GRID2: variants seen among roughly 807,000 people sequenced by gnomAD.
GRID2 encodes glutamate ionotropic receptor delta type subunit 2.
A neutral mutation model predicts 114.8 loss-of-function variants in GRID2; 33 were observed. The ratio of observed to expected loss-of-function variants is 0.29; its 90% CI spans 0.22 to 0.38. GRID2 has a LOEUF of 0.38. Ranked by LOEUF, GRID2 falls within the 10% of genes least tolerant of loss-of-function variation. The probability of loss-of-function intolerance (pLI) is 1.00; values close to 1 mark genes in which losing one functional copy is unlikely to be tolerated. For synonymous variants in GRID2, 505 were observed against 449.9 expected, an observed-to-expected ratio of 1.12 and a Z score of -1.55; for missense variants, 1,184 against 1,257.7, an observed-to-expected ratio of 0.94 and a Z score of 0.89.
chr4:92,748,039 T>C (rs1737240812), intron 2 of GRID2, among the ~76,000 whole-genome samples: 1 of 152,310 alleles, frequency 6.6e-6, no homozygotes, highest in South Asian at 2.1e-4. Flanking sequence ...ACTAAGACAA[T>C]GTTATGTTTT....
chr4:93,272,866 G>A (rs1751615665), intron 8 of GRID2, among the ~76,000 whole-genome samples: 1 of 152,054 alleles, frequency 6.6e-6, no homozygotes, highest in Non-Finnish European at 1.5e-5. Context: ...CATTTCCTTA[G>A]GTCACATTGG....
chr4:92,763,553 A>G (rs1578159255), intron 2 of GRID2, among the ~76,000 whole-genome samples: 1 of 152,256 alleles, frequency 6.6e-6, no homozygotes, highest in African/African-American at 2.4e-5. Context: ...GATGATTTAA[A>G]GTGAACAGCC....
intron 4 of GRID2, among the ~76,000 whole-genome samples, chr4:93,161,947 A>G (rs1737727048): frequency 6.6e-6 from 1 of 151,802 alleles, no homozygotes; most frequent in Admixed American, 6.6e-5. Context: ...AGACATTCCA[A>G]TTTTTATTTT....
chr4:93,686,116 C>T (rs1726055118), intron 14 of GRID2, among the ~76,000 whole-genome samples: 1 of 151,988 alleles, frequency 6.6e-6, no homozygotes, highest in Non-Finnish European at 1.5e-5. Flanking sequence ...CTCTCTGTCT[C>T]TCCATTGCCA....
chr4:93,310,330 G>A (rs973423935), intron 8 of GRID2, among the ~76,000 whole-genome samples: 1 of 151,940 alleles, frequency 6.6e-6, no homozygotes, highest in African/African-American at 2.4e-5. Context: ...GGCCAGCTTG[G>A]CCAACATGGT....
intron 10 of GRID2, among the ~76,000 whole-genome samples, chr4:93,451,242 A>G (rs1026025700): frequency 2.6e-5 from 4 of 152,072 alleles, no homozygotes; most frequent in Non-Finnish European, 4.4e-5. Flanking sequence ...ATATAAACAT[A>G]TGTAAGATTG....
intron 1 of GRID2, among the ~76,000 whole-genome samples, chr4:92,428,198 C>G (rs981633645): frequency 6.6e-6 from 1 of 151,968 alleles, no homozygotes; most frequent in Non-Finnish European, 1.5e-5. Flanking sequence ...GGAGGCGGAG[C>G]TTGCAGTGAG....
chr4:93,599,500 C>T (rs1254515630), intron 13 of GRID2, among the ~76,000 whole-genome samples: 1 of 152,114 alleles, frequency 6.6e-6, no homozygotes, highest in African/African-American at 2.4e-5. Flanking sequence ...TAATTTTCTC[C>T]TAAGTAAATT....
chr4:92,642,734 G>A (rs1023904386), intron 2 of GRID2, among the ~76,000 whole-genome samples: 7 of 151,612 alleles, frequency 4.6e-5, no homozygotes, highest in African/African-American at 1.7e-4. Context: ...CTTTGTCAAG[G>A]CCAATGTTGA....
chr4:93,672,265 C>T (rs1326941013), intron 14 of GRID2, among the ~76,000 whole-genome samples: 1 of 152,230 alleles, frequency 6.6e-6, no homozygotes, highest in Non-Finnish European at 1.5e-5. Context: ...CCATTACATT[C>T]TCCAAGGGGG....
chr4:92,722,241 T>C lies in GRID2; in HGVS notation c.244+131955T>C, dbSNP rs1020877625. ...ATGCCACTGAAAGCATGGATACTGA[T>C]GGCCAGCCATCATGGAGTGCATGCT... On this transcript the variant is annotated intron_variant, in intron 2 of 15. Coordinates refer to ENST00000282020, the MANE Select transcript of GRID2 (RefSeq NM_001510.4). Among the ~76,000 whole-genome samples the C allele has an allele frequency of 7.2e-5, 11 of 152,138 alleles. No homozygotes were observed. In the East Asian group the frequency reaches 1.2e-3, roughly 16 times the overall value.
intron 14 of GRID2, among the ~76,000 whole-genome samples, chr4:93,661,237 A>C (rs1176200027): frequency 6.6e-6 from 1 of 152,026 alleles, no homozygotes; most frequent in Non-Finnish European, 1.5e-5. Context: ...GCAGAAATGC[A>C]CAGAGTGGTG....
chr4:92,435,808 G>C (rs545277042), intron 1 of GRID2, among the ~76,000 whole-genome samples: 2 of 152,268 alleles, frequency 1.3e-5, no homozygotes, highest in Admixed American at 6.5e-5. Flanking sequence ...GAAGTGGTTT[G>C]TTCTCCATCA....
At chr4:93,181,323 T>A (rs1251717030) in intron 4 of GRID2, among the ~76,000 whole-genome samples, 1 of 152,166 alleles carries the variant, frequency 6.6e-6, no homozygotes, top group Non-Finnish European at 1.5e-5. Context: ...AACCATGCTG[T>A]AAACAGATGT....
rs1170579675 is a variant in GRID2, at chr4:93,158,761, A to G, written c.735+47808A>G. The stretch of plus-strand genomic sequence containing the variant: ...ATGTGGAATATGTGTAGATTATTCT[A>G]TGAAGTGGGAAACCTAAGTCTGTGT... On this transcript the variant is annotated intron_variant, in intron 4 of 15. Transcript: ENST00000282020. Among the ~76,000 whole-genome samples the G allele has an allele frequency of 3.3e-5, 5 of 151,654 alleles. No homozygotes were observed. The South Asian group carries it at 6.2e-4, about 19-fold the overall frequency.
intron 14 of GRID2, among the ~76,000 whole-genome samples, chr4:93,743,772 TG>T (rs1466410018): frequency 6.6e-6 from 1 of 152,198 alleles, no homozygotes; most frequent in East Asian, 1.9e-4. Context: ...CCCCACCTAA[TG>T]GGAATCAAGT....
chr4:92,516,681 C>T (rs1354807205), intron 1 of GRID2, among the ~76,000 whole-genome samples: 1 of 151,758 alleles, frequency 6.6e-6, no homozygotes, highest in Non-Finnish European at 1.5e-5. Context: ...CCATAACCTT[C>T]CCTAAGAGGA....
chr4:92,551,630 T>C (rs556194102), intron 1 of GRID2, among the ~76,000 whole-genome samples: 2 of 152,250 alleles, frequency 1.3e-5, no homozygotes, highest in East Asian at 1.9e-4. Flanking sequence ...GTACAAGCAT[T>C]AGTGAAGATG....
intron 13 of GRID2, among the ~76,000 whole-genome samples, chr4:93,598,367 G>A (rs866206795): frequency 2.6e-4 from 39 of 150,850 alleles, no homozygotes; most frequent in African/African-American, 8.0e-4. Flanking sequence ...TCTTTCCCTC[G>A]TTCACTCATT....
Sources: allele counts gnomAD v4.1 joint callset (sites outside exome capture counted in the v4.1 genomes callset), GRCh38; gene constraint gnomAD v4.1.1; transcripts MANE v1.5; gene names NCBI Gene and HGNC (gene_info 2026-07-23, HGNC 2026-07-21).